PLEKHA8: variants seen among roughly 807,000 people sequenced by gnomAD.
PLEKHA8 encodes the protein pleckstrin homology domain-containing family A member 8.
PLEKHA8 carries 36 observed loss-of-function variants against 68.2 expected under a neutral mutation model. That is an observed-to-expected ratio of 0.53 (90% confidence interval 0.40 to 0.70). The LOEUF (loss-of-function observed/expected upper bound fraction) is 0.70, where lower values mean the gene tolerates loss of function less well. Ranked by LOEUF, PLEKHA8 falls within the 30% of genes least tolerant of loss-of-function variation. The pLI is 0.00. For synonymous variants in PLEKHA8, 211 were observed against 216.1 expected (o/e 0.98, Z 0.20); for missense variants, 505 against 615.4 (o/e 0.82, Z 1.90).
rs1794851302 is a variant in PLEKHA8, at chr7:30,080,153, T to C, written c.*1366T>C. On this transcript the variant is annotated 3_prime_UTR_variant, in exon 14 of 14. Coordinates refer to ENST00000449726, the MANE Select transcript of PLEKHA8 (RefSeq NM_001197026.2). ...TCTCAAAAGCTTTGGGACAGTGTCA[T>C]AGTTGAAAGATGAGACTTAAGAAAA... 5 of 985,358 alleles carry C rather than the reference T, an allele frequency of 5.1e-6. No homozygotes were observed. Among genetic ancestry groups the C allele is most frequent in the Non-Finnish European group, 6.0e-6 (5 of 829,882 alleles). The allele number at this position is 985,358 out of a possible 1,614,324, so 61.0% of individuals were successfully genotyped here.
chr7:30,044,612 A>G (rs988744069), intron 1 of PLEKHA8, among the ~76,000 whole-genome samples: 11 of 152,248 alleles, frequency 7.2e-5, no homozygotes, highest in Admixed American at 2.6e-4. Context: ...ATTTGTTGAA[A>G]GGACCTTGTC....
At chr7:30,036,113 G>T (rs1456951031) in intron 1 of PLEKHA8, among the ~76,000 whole-genome samples, 2 of 151,950 alleles carry the variant, frequency 1.3e-5, no homozygotes, top group African/African-American at 4.8e-5. Flanking sequence ...AAAATTAGCT[G>T]GGCGTGATGG....
rs1200889299 is a variant in PLEKHA8, at chr7:30,115,992, A to G, written c.1363-13274A>G. The G allele has an allele frequency of 7.4e-5, 10 of 135,116 alleles. 2 individuals carry two copies. The highest frequency in any genetic ancestry group is 2.6e-4 in the South Asian group (1 of 3,830). 8.4% of individuals were successfully genotyped at this position (135,116 alleles called of 1,614,324 possible). On this transcript the variant is annotated intron_variant, in intron 13 of 13. Transcript: ENST00000396257. The stretch of plus-strand genomic sequence containing the variant: ...CATGTGCATGCATGCATGTATGCAT[A>G]CGCATACATACGCATACATACGCAT...
chr7:30,088,560 T>C (rs763655340), downstream of PLEKHA8, among the ~76,000 whole-genome samples: 2 of 152,168 alleles, frequency 1.3e-5, no homozygotes, highest in Non-Finnish European at 2.9e-5. Flanking sequence ...TGGGATCTTT[T>C]AGGATAAATA....
chr7:30,116,120 A>T (rs998169835), intron 13 of PLEKHA8: 1 of 151,094 alleles, frequency 6.6e-6, no homozygotes, highest in Non-Finnish European at 1.5e-5. Flanking sequence ...ATACACGTAT[A>T]CATGTGTATA....
chr7:30,093,526 C>T (rs1795494765), downstream of PLEKHA8, among the ~76,000 whole-genome samples: 1 of 152,196 alleles, frequency 6.6e-6, no homozygotes, highest in African/African-American at 2.4e-5. Context: ...GGGTCAAATC[C>T]CAGCACTGCC....
downstream of PLEKHA8, among the ~76,000 whole-genome samples, chr7:30,086,387 T>G (rs1381905325): frequency 6.6e-6 from 1 of 152,200 alleles, no homozygotes; most frequent in Non-Finnish European, 1.5e-5. Context: ...TGTGCCTAGG[T>G]GGAGGAGTGT....
downstream of PLEKHA8, among the ~76,000 whole-genome samples, chr7:30,092,007 C>T (rs1795431848): frequency 6.6e-6 from 1 of 152,156 alleles, no homozygotes; most frequent in Admixed American, 6.5e-5. Context: ...CCCGTGGAAG[C>T]CCTGTATTCT....
chr7:30,050,479 A>C lies in PLEKHA8; in HGVS notation c.638+5A>C. The C allele has an allele frequency of 1.3e-6, 2 of 1,560,272 alleles. No homozygotes were observed. The highest frequency in any genetic ancestry group is 1.7e-6 in the Non-Finnish European group (2 of 1,158,566). On this transcript the variant is annotated splice_donor_5th_base_variant and intron_variant, in intron 6 of 13. Coordinates refer to ENST00000449726, the MANE Select transcript of PLEKHA8 (RefSeq NM_001197026.2). ...AATTCATAATTCATTGGAAAGGTACAGTAGCTTTTTTCTTCTTGCTAAAAA... is the reference window on the plus strand; with the variant it reads ...AATTCATAATTCATTGGAAAGGTACCGTAGCTTTTTTCTTCTTGCTAAAAA...
chr7:30,105,371 G>A (rs1796020412), intron 13 of PLEKHA8, among the ~76,000 whole-genome samples: 1 of 149,396 alleles, frequency 6.7e-6, no homozygotes, highest in African/African-American at 2.5e-5. Flanking sequence ...ATAGTTCCAG[G>A]TACTCAGGAG....
chr7:30,033,265 C>A (rs1790799239), intron 1 of PLEKHA8, among the ~76,000 whole-genome samples: 1 of 151,956 alleles, frequency 6.6e-6, no homozygotes, highest in Non-Finnish European at 1.5e-5. Flanking sequence ...TTTCATTATC[C>A]CAGAAAGAAA....
At chr7:30,032,525 C>T (rs754311835) in intron 1 of PLEKHA8, among the ~76,000 whole-genome samples, 15 of 152,182 alleles carry the variant, frequency 9.9e-5, no homozygotes, top group African/African-American at 1.9e-4. Flanking sequence ...GATATAGAGA[C>T]GTGGGTTTGC....
rs1365738898 is a variant in PLEKHA8 at position 30,116,028 on chromosome 7, ACATACATGTGCG to A, written c.1363-13232_1363-13221del. On this transcript the variant is annotated intron_variant, in intron 13 of 13. Coordinates refer to the PLEKHA8 transcript ENST00000396257. ...CGCATACATACGCATACATACGTAT[ACATACATGTGCG>A]CATACGCATACATACGTATGCATAC... 3 of 149,312 alleles carry A rather than the reference ACATACATGTGCG, an allele frequency of 2.0e-5. 1 individual carries two copies. The highest frequency in any genetic ancestry group is 2.0e-4 in the Admixed American group (3 of 15,180). The allele number at this position is 149,312 out of a possible 1,614,324, so 9.2% of individuals were successfully genotyped here.
rs1455190518 is a variant in PLEKHA8 at position 30,081,629 on chromosome 7, G to C, written c.*2842G>C. On this transcript the variant is annotated 3_prime_UTR_variant, in exon 14 of 14. Transcript: ENST00000449726. ...TGTGAGAGGAGGTGAGAAAACTCTA[G>C]TATTTTGTTGGCAGAGTAATCACTT... 1 of 985,222 alleles carries C rather than the reference G, an allele frequency of 1.0e-6. No individual in the cohort carries two copies. The highest frequency in any genetic ancestry group is 1.2e-6 in the Non-Finnish European group (1 of 829,868). 61.0% of individuals were successfully genotyped at this position (985,222 alleles called of 1,614,324 possible). A position where few individuals can be genotyped will look rare whatever the true frequency, so the allele number is the denominator to read the frequency against.
At position 30,115,695 on chromosome 7, in the gene PLEKHA8, CGTATACAT is replaced by C. The variant is rs551815010; in HGVS notation, c.1363-13562_1363-13555del. 2.7e-3 allele frequency: 401 copies of C among 146,298 alleles called. 5 individuals are homozygous for C. The highest frequency in any genetic ancestry group is 9.9e-3 in the African/African-American group (390 of 39,264). The allele number at this position is 146,298 out of a possible 1,614,324, so 9.1% of individuals were successfully genotyped here. ...ATACATACGCACATACATGCATACA[CGTATACAT>C]GTATACATACGCGCATGCATGCATA... On this transcript the variant is annotated intron_variant, in intron 13 of 13. Coordinates refer to the PLEKHA8 transcript ENST00000396257.
At chr7:30,108,067 CAAAAA>C (rs796801365) in intron 13 of PLEKHA8, among the ~76,000 whole-genome samples, 31 of 52,846 alleles carry the variant, frequency 5.9e-4, no homozygotes, top group African/African-American at 2.2e-3. Context: ...AACTCCATCT[CAAAAA>C]AAAAAAAAAA....
At position 30,082,106 on chromosome 7, in the gene PLEKHA8, A is replaced by G; in HGVS notation, c.*3319A>G. The G allele has an allele frequency of 1.0e-6, 1 of 985,408 alleles. No homozygotes were observed. Among genetic ancestry groups the G allele is most frequent in the South Asian group, 4.7e-5 (1 of 21,288 alleles). 61.0% of individuals were successfully genotyped at this position (985,408 alleles called of 1,614,324 possible). A position where few individuals can be genotyped will look rare whatever the true frequency, so the allele number is the denominator to read the frequency against. On this transcript the variant is annotated 3_prime_UTR_variant, in exon 14 of 14. Transcript: ENST00000449726. ...AGAATGTTGAGCCTGTGGGCCCAAG[A>G]CATTGACTTCGAAGGGTAGTTCTCA...
At chr7:30,098,521 C>T (rs1376856733) in intron 13 of PLEKHA8, among the ~76,000 whole-genome samples, 1 of 152,262 alleles carries the variant, frequency 6.6e-6, no homozygotes, top group Non-Finnish European at 1.5e-5. Context: ...AAACAACTAA[C>T]TCGGCAATGG....
intron 13 of PLEKHA8, 22 bp downstream of exon 13, chr7:30,074,154 CTAT>C (rs1562532390): frequency 1.3e-5 from 21 of 1,599,468 alleles, no homozygotes; most frequent in Non-Finnish European, 1.6e-5. Context: ...TTCTTGTCTC[CTAT>C]TATTAACTGT....
Sources: gnomAD v4.1 joint callset for allele counts (sites outside exome capture counted in the v4.1 genomes callset) on GRCh38, gnomAD v4.1.1 for gene constraint, MANE v1.5 for transcripts, NCBI Gene and HGNC (gene_info 2026-07-23, HGNC 2026-07-21) for gene names.